The following NELL1 variants were observed in gnomAD, a reference collection of about 807,000 sequenced individuals.
NELL1 encodes the protein neural EGFL like 1.
In NELL1, 76 loss-of-function variants were observed where a neutral mutation model predicts 107.4. The observed-to-expected ratio is 0.71, with a 90% CI of 0.59 to 0.86. NELL1 has a LOEUF of 0.86. Ranked by LOEUF, NELL1 falls within the 40% of genes least tolerant of loss-of-function variation. The pLI, the probability that NELL1 is intolerant of heterozygous loss-of-function variation, is 0.00. For synonymous variants in NELL1, 353 were observed against 341.2 expected (o/e 1.03, Z -0.38); for missense variants, 1,024 against 1,005.5 (o/e 1.02, Z -0.25).
At chr11:21,560,639 A>G (rs944150810) in intron 17 of NELL1, among the ~76,000 whole-genome samples, 4 of 152,086 alleles carry the variant, frequency 2.6e-5, no homozygotes, top group African/African-American at 9.7e-5. Flanking sequence ...AGAAAAGCCA[A>G]TGATAGTCCT....
At chr11:20,923,226 G>A (rs1376414750) in intron 7 of NELL1, among the ~76,000 whole-genome samples, 1 of 152,086 alleles carries the variant, frequency 6.6e-6, no homozygotes, top group Non-Finnish European at 1.5e-5. Context: ...AACAGATGTA[G>A]ATACCAGATC....
intron 14 of NELL1, among the ~76,000 whole-genome samples, chr11:21,233,986 A>G (rs760345501): frequency 6.6e-6 from 1 of 152,222 alleles, no homozygotes; most frequent in Non-Finnish European, 1.5e-5. Context: ...GGATTTCACC[A>G]TTTAGTGTTG....
intron 13 of NELL1, among the ~76,000 whole-genome samples, chr11:21,153,846 C>T (rs1856173125): frequency 6.6e-6 from 1 of 152,096 alleles, no homozygotes; most frequent in East Asian, 1.9e-4. Context: ...GCCCTTTCTA[C>T]CACACTGTGC....
rs1271042279 is a variant in NELL1 at position 20,669,821 on chromosome 11, G to T, written c.55+43G>T. On this transcript the variant is annotated intron_variant, in intron 1 of 19. Coordinates refer to ENST00000357134, the MANE Select transcript of NELL1 (RefSeq NM_006157.5). The surrounding 1 kb of genome is among the most constrained non-coding windows in gnomAD (Gnocchi z 4.4). The stretch of plus-strand genomic sequence containing the variant: ...GGTTAGAGGGATCCGGGAAATGGGG[G>T]TGCCCACAGACCACGGCGGCGTGGG... 8 of 1,557,474 alleles carry T rather than the reference G, an allele frequency of 5.1e-6. No individual in the cohort carries two copies. The East Asian group carries it at 1.8e-4, about 35-fold the overall frequency.
chr11:21,403,735 T>A (rs887996648), intron 15 of NELL1, among the ~76,000 whole-genome samples: 1 of 143,834 alleles, frequency 7.0e-6, no homozygotes, highest in East Asian at 2.2e-4. Flanking sequence ...AAGTCAAGAA[T>A]GTTATCAGAA....
Position 21,418,723 on chromosome 11 carries a change from A to G in NELL1, c.1645+47775A>G, listed in dbSNP as rs191646963. ...TTGCTTTGGCCAATAAAATATAAGT[A>G]GAAGTAACTTGTATAATTTCTGATA... is the stretch of plus-strand genomic sequence containing the variant. On this transcript the variant is annotated intron_variant, in intron 15 of 19. Transcript: ENST00000357134. Among the ~76,000 whole-genome samples, 14 of 152,274 alleles carry G rather than the reference A, an allele frequency of 9.2e-5. No homozygotes were observed. In the East Asian group the frequency reaches 2.7e-3, roughly 29 times the overall value.
chr11:20,708,229 C>T (rs1469050340), intron 2 of NELL1, among the ~76,000 whole-genome samples: 1 of 152,224 alleles, frequency 6.6e-6, no homozygotes, highest in Non-Finnish European at 1.5e-5. Flanking sequence ...CCCGATTTTC[C>T]AGGTACCATC....
chr11:20,787,960 G>C (rs1193192852), intron 3 of NELL1, among the ~76,000 whole-genome samples: 2 of 152,110 alleles, frequency 1.3e-5, no homozygotes, highest in African/African-American at 4.8e-5. Flanking sequence ...ATCATACACT[G>C]TGTATCCCTT....
chr11:21,275,489 C>T (rs1346838069), intron 14 of NELL1, among the ~76,000 whole-genome samples: 1 of 152,158 alleles, frequency 6.6e-6, no homozygotes, highest in African/African-American at 2.4e-5. Flanking sequence ...GAGCTGGTAC[C>T]ATTCCTTCTG....
At position 21,477,705 on chromosome 11, in the gene NELL1, T is replaced by G. The variant is rs565503947; in HGVS notation, c.1646-56669T>G. Among the ~76,000 whole-genome samples the G allele has an allele frequency of 1.8e-3, 273 of 152,056 alleles. 2 individuals are homozygous for G. Among genetic ancestry groups the G allele is most frequent in the South Asian group, 0.014 (69 of 4,816 alleles). ...ACATGACCTCACCACACAAACTAAG[T>G]AAGGCACCAGGAACAAATCCTAAGA... On this transcript the variant is annotated intron_variant, in intron 15 of 19. Transcript: ENST00000357134.
intron 2 of NELL1, among the ~76,000 whole-genome samples, chr11:20,739,019 G>A (rs1855826507): frequency 6.6e-6 from 1 of 152,120 alleles, no homozygotes; most frequent in South Asian, 2.1e-4. Context: ...AGCTACATGT[G>A]GCTATTTAAA....
intron 5 of NELL1, among the ~76,000 whole-genome samples, chr11:20,906,219 T>G (rs975421580): frequency 6.6e-6 from 1 of 152,018 alleles, no homozygotes; most frequent in Non-Finnish European, 1.5e-5. Context: ...GAAAACAAAT[T>G]AGATAACCTA....
chr11:20,886,911 T>A (rs1849521081), intron 5 of NELL1, among the ~76,000 whole-genome samples: 2 of 150,922 alleles, frequency 1.3e-5, no homozygotes, highest in African/African-American at 4.9e-5. Context: ...GTCACAAGTT[T>A]TGGAAAATCT....
intron 12 of NELL1, among the ~76,000 whole-genome samples, chr11:21,090,633 T>G (rs1854499690): frequency 6.6e-6 from 1 of 151,934 alleles, no homozygotes; most frequent in African/African-American, 2.4e-5. Flanking sequence ...TGCAGAGAGG[T>G]CTGCTTAAAC....
At chr11:21,345,774 C>A (rs761049724) in intron 14 of NELL1, among the ~76,000 whole-genome samples, 1 of 152,148 alleles carries the variant, frequency 6.6e-6, no homozygotes, top group Non-Finnish European at 1.5e-5. Context: ...AGAGCAGTTT[C>A]TTCAATATCA....
At chr11:21,208,433 TATA>T in intron 13 of NELL1, among the ~76,000 whole-genome samples, 1 of 150,060 alleles carries the variant, frequency 6.7e-6, no homozygotes, top group South Asian at 2.1e-4. Flanking sequence ...ATATATTATA[TATA>T]ATATGTCATA....
Position 20,713,500 on chromosome 11 carries a change from C to A in NELL1, c.184+35440C>A, listed in dbSNP as rs150859451. Among the ~76,000 whole-genome samples the A allele has an allele frequency of 5.7e-3, 866 of 152,276 alleles. 2 individuals carry two copies. Among genetic ancestry groups the A allele is most frequent in the African/African-American group, 0.02 (829 of 41,556 alleles). On this transcript the variant is annotated intron_variant, in intron 2 of 19. Transcript: ENST00000357134. ...CCCAACACCCACGCAGTTGGTGAGG[C>A]TGGTCTTGCTCCTGCAGTGCCCCCT...
intron 5 of NELL1, among the ~76,000 whole-genome samples, chr11:20,897,086 A>G (rs944890464): frequency 1.3e-5 from 2 of 152,200 alleles, no homozygotes; most frequent in African/African-American, 4.8e-5. Flanking sequence ...TGGAACTAAA[A>G]AAGAGCCCGC....
chr11:20,747,945 G>C (rs1194527333), intron 2 of NELL1, among the ~76,000 whole-genome samples: 2 of 152,178 alleles, frequency 1.3e-5, no homozygotes, highest in Non-Finnish European at 2.9e-5. Flanking sequence ...GCTGGCTGGG[G>C]AGGTGGGGAA....
Sources: allele counts gnomAD v4.1 joint callset (sites outside exome capture counted in the v4.1 genomes callset), GRCh38; gene constraint gnomAD v4.1.1; non-coding constraint Gnocchi (gnomAD v3.1); transcripts MANE v1.5; gene names NCBI Gene and HGNC (gene_info 2026-07-23, HGNC 2026-07-21).